The following PDE4D variants were observed in gnomAD, a reference collection of about 807,000 sequenced individuals.
PDE4D encodes the protein phosphodiesterase 4D, also known as 3',5'-cyclic-AMP phosphodiesterase 4D.
PDE4D carries 24 observed loss-of-function variants against 87.4 expected under a neutral mutation model. The observed-to-expected ratio is 0.27, with a 90% CI of 0.20 to 0.39. The LOEUF (loss-of-function observed/expected upper bound fraction) is 0.39, where lower values mean the gene tolerates loss of function less well. Ranked by LOEUF, PDE4D falls within the 10% of genes least tolerant of loss-of-function variation. The pLI, the probability that PDE4D is intolerant of heterozygous loss-of-function variation, is 1.00. For missense variants in PDE4D, 714 were observed against 1,041.0 expected (o/e 0.69, Z 4.32); for synonymous variants, 384 against 383.2 (o/e 1.00, Z -0.02).
At chr5:59,622,274 AG>A (rs1394970486) in intron 1 of PDE4D, among the ~76,000 whole-genome samples, 4 of 152,170 alleles carry the variant, frequency 2.6e-5, no homozygotes, top group Non-Finnish European at 5.9e-5. Flanking sequence ...ATATAATTCC[AG>A]GGGGAAAAGT....
intron 1 of PDE4D, among the ~76,000 whole-genome samples, chr5:60,471,458 G>A (rs1347982526): frequency 6.6e-6 from 1 of 152,160 alleles, no homozygotes; most frequent in East Asian, 1.9e-4. Context: ...CAGCAATTTT[G>A]AAAAGTTCTG....
At chr5:60,239,120 C>T (rs1746776655) in intron 1 of PDE4D, among the ~76,000 whole-genome samples, 1 of 152,074 alleles carries the variant, frequency 6.6e-6, no homozygotes, top group African/African-American at 2.4e-5. Context: ...TTCACCTTTA[C>T]ACCTACATTC....
chr5:60,311,057 G>A lies in PDE4D; in HGVS notation c.-89-125370C>T, dbSNP rs181142051. Among the ~76,000 whole-genome samples, 35 of 132,138 alleles carry A rather than the reference G, an allele frequency of 2.6e-4. No individual in the cohort carries two copies. The East Asian group carries it at 6.9e-3, about 26-fold the overall frequency. 86.7% of individuals were successfully genotyped at this position (132,138 alleles called of 152,430 possible). A position where few individuals can be genotyped will look rare whatever the true frequency, so the allele number is the denominator to read the frequency against. On this transcript the variant is annotated intron_variant, in intron 1 of 16. Coordinates refer to the PDE4D transcript ENST00000502484. ...TTTGAGGTGGAGTTTTGCTCTTGTTGCCCAGGCTGGCATGCAATGAAGCGA... is the reference window on the plus strand; with the variant it reads ...TTTGAGGTGGAGTTTTGCTCTTGTTACCCAGGCTGGCATGCAATGAAGCGA...
At chr5:60,432,249 C>G (rs73108656) in intron 1 of PDE4D, among the ~76,000 whole-genome samples, 2,693 of 152,228 alleles carry the variant, frequency 0.018, 91 homozygotes, top group African/African-American at 0.061. Context: ...TTGTCTTTGC[C>G]AGGATGATGC....
intron 2 of PDE4D, among the ~76,000 whole-genome samples, chr5:60,073,923 T>C (rs1773008495): frequency 6.6e-6 from 1 of 152,138 alleles, no homozygotes. Context: ...TCTCTTCTTC[T>C]TTATTAGTCT....
chr5:60,269,151 T>A (rs1410163832), intron 1 of PDE4D, among the ~76,000 whole-genome samples: 2 of 152,048 alleles, frequency 1.3e-5, no homozygotes, highest in African/African-American at 4.8e-5. Flanking sequence ...AAAAATATTT[T>A]AAAAAATTAG....
intron 1 of PDE4D, among the ~76,000 whole-genome samples, chr5:59,514,955 A>G (rs1376372262): frequency 6.6e-6 from 1 of 152,268 alleles, no homozygotes; most frequent in Non-Finnish European, 1.5e-5. Context: ...ACCAAATGTT[A>G]GCAAATAAAG....
intron 5 of PDE4D, among the ~76,000 whole-genome samples, chr5:59,141,640 C>G (rs1777901486): frequency 6.6e-6 from 1 of 152,124 alleles, no homozygotes; most frequent in Non-Finnish European, 1.5e-5. Flanking sequence ...AACATCTCTT[C>G]TGTCAAATGA....
chr5:59,905,700 T>C (rs375257414), intron 3 of PDE4D, among the ~76,000 whole-genome samples: 6 of 152,096 alleles, frequency 3.9e-5, no homozygotes, highest in African/African-American at 1.4e-4. Context: ...ACAATATCTG[T>C]TACATAAATA....
rs137996509 is a variant in PDE4D at position 59,070,487 on chromosome 5, C to G, written c.809-31516G>C. ...CTTCTTAATAGTTCATTTTTTTGGGCATTGCTTATTGATACTTCATAGCGG... is the reference window on the plus strand; with the variant it reads ...CTTCTTAATAGTTCATTTTTTTGGGGATTGCTTATTGATACTTCATAGCGG... On this transcript the variant is annotated intron_variant, in intron 5 of 14. Transcript: ENST00000340635. 2.3e-3 allele frequency among the ~76,000 whole-genome samples: 346 copies of G among 152,146 alleles called. 2 individuals carry two copies. The highest frequency in any genetic ancestry group is 8.0e-3 in the African/African-American group (333 of 41,516).
At chr5:60,139,166 C>T (rs189785620) in intron 2 of PDE4D, among the ~76,000 whole-genome samples, 1 of 152,092 alleles carries the variant, frequency 6.6e-6, no homozygotes, top group East Asian at 1.9e-4. Flanking sequence ...TAATGTTTGG[C>T]TCCTTAAGTA....
chr5:60,422,087 C>T (rs1343591459), intron 1 of PDE4D, among the ~76,000 whole-genome samples: 11 of 152,102 alleles, frequency 7.2e-5, no homozygotes, highest in East Asian at 5.8e-4. Context: ...CTGAAAGTGA[C>T]GGGGAGAATG....
chr5:59,647,346 A>C (rs1742637095), intron 1 of PDE4D, among the ~76,000 whole-genome samples: 1 of 152,090 alleles, frequency 6.6e-6, no homozygotes, highest in East Asian at 1.9e-4. Flanking sequence ...TAAAACTGTA[A>C]ATTTAGATAA....
intron 1 of PDE4D, among the ~76,000 whole-genome samples, chr5:60,440,297 A>G (rs1433006541): frequency 6.6e-6 from 1 of 152,154 alleles, no homozygotes; most frequent in African/African-American, 2.4e-5. Flanking sequence ...ACAAATACCT[A>G]TTACATTTAT....
Position 60,026,570 on chromosome 5 carries a change from T to A in PDE4D, c.43-37853A>T, listed in dbSNP as rs190242310. 3.7e-3 allele frequency among the ~76,000 whole-genome samples: 558 copies of A among 152,280 alleles called. 2 individuals are homozygous for A. Among genetic ancestry groups the A allele is most frequent in the African/African-American group, 0.012 (485 of 41,566 alleles). On this transcript the variant is annotated intron_variant, in intron 2 of 16. Coordinates refer to the PDE4D transcript ENST00000502484. ...AGCTGTCTTTAACTCAGTCCAATTA[T>A]ACAGGAAAATGATAAACTCGATGAA... is the stretch of plus-strand genomic sequence containing the variant.
intron 1 of PDE4D, among the ~76,000 whole-genome samples, chr5:59,275,063 G>A (rs1395025117): frequency 1.3e-5 from 2 of 151,860 alleles, no homozygotes; most frequent in Non-Finnish European, 2.9e-5. Flanking sequence ...AAAATGACAA[G>A]TTTTCATTTT....
intron 1 of PDE4D, among the ~76,000 whole-genome samples, chr5:59,439,984 T>C (rs1315430904): frequency 1.3e-5 from 2 of 152,210 alleles, no homozygotes; most frequent in Non-Finnish European, 2.9e-5. Context: ...ATCTGTCACC[T>C]GAGAAAATAA....
chr5:59,198,679 T>A (rs73104864), intron 2 of PDE4D, among the ~76,000 whole-genome samples: 15,460 of 152,258 alleles, frequency 0.1, 1,100 homozygotes, highest in African/African-American at 0.21. Context: ...ATTGTCTTTT[T>A]TTTTCTCACA....
chr5:60,080,764 C>T (rs1028190850), intron 2 of PDE4D, among the ~76,000 whole-genome samples: 6 of 152,172 alleles, frequency 3.9e-5, no homozygotes, highest in Admixed American at 1.3e-4. Flanking sequence ...TTTTGATACA[C>T]TGCTGGATTT....
Sources: allele counts gnomAD v4.1 joint callset (sites outside exome capture counted in the v4.1 genomes callset), GRCh38; gene constraint gnomAD v4.1.1; transcripts MANE v1.5; gene names NCBI Gene and HGNC (gene_info 2026-07-23, HGNC 2026-07-21).